Variants in EYA1 observed in about 807,000 individuals in gnomAD.
EYA1 encodes EYA transcriptional coactivator and phosphatase 1.
Under a neutral mutation model 82.0 loss-of-function variants are expected in EYA1, and 16 were observed. The observed-to-expected ratio is 0.20, with a 90% CI of 0.13 to 0.30. EYA1 has a LOEUF of 0.30. Ranked by LOEUF, EYA1 falls within the 10% of genes least tolerant of loss-of-function variation. EYA1 has a pLI of 1.00. For synonymous variants in EYA1, 261 were observed against 264.4 expected, an observed-to-expected ratio of 0.99 and a Z score of 0.12; for missense variants, 633 against 730.7, an observed-to-expected ratio of 0.87 and a Z score of 1.54.
Position 71,199,146 on chromosome 8 carries a change from A to C in EYA1, c.*194T>G, listed in dbSNP as rs1358852066. The C allele has an allele frequency of 3.1e-6, 2 of 650,536 alleles. No homozygotes were observed. Among genetic ancestry groups the C allele is most frequent in the East Asian group, 5.5e-5 (2 of 36,160 alleles). The allele number at this position is 650,536 out of a possible 1,614,324, so 40.3% of individuals were successfully genotyped here. On this transcript the variant is annotated 3_prime_UTR_variant, in exon 18 of 18. Transcript: ENST00000340726. ...ATTTTCACTGGATTCACAGTACTAG[A>C]GTCAACAGCTGTTCTGATGAAATAG...
chr8:71,270,546 C>T (rs138203723), intron 10 of EYA1, among the ~76,000 whole-genome samples: 2 of 152,340 alleles, frequency 1.3e-5, no homozygotes, highest in East Asian at 1.9e-4. Flanking sequence ...CCTATTCCCA[C>T]TCACACCAGT....
At chr8:71,412,752 G>A (rs1208344836) in intron 2 of EYA1, among the ~76,000 whole-genome samples, 1 of 152,218 alleles carries the variant, frequency 6.6e-6, no homozygotes, top group Non-Finnish European at 1.5e-5. Flanking sequence ...GCATAGTCAG[G>A]AATGACCAAC....
At chr8:71,333,906 C>T (rs1824177846) in intron 4 of EYA1, among the ~76,000 whole-genome samples, 191 bp downstream of exon 4, 2 of 152,064 alleles carry the variant, frequency 1.3e-5, no homozygotes. Flanking sequence ...CACTTCTTCA[C>T]AATGAATAAA....
At chr8:71,522,608 A>G (rs1201176884) in intron 2 of EYA1, among the ~76,000 whole-genome samples, 4 of 150,274 alleles carry the variant, frequency 2.7e-5, no homozygotes, top group Non-Finnish European at 1.5e-5. Flanking sequence ...AAATTCTGCT[A>G]TCAATACAAA....
intron 3 of EYA1, among the ~76,000 whole-genome samples, chr8:71,337,282 A>G (rs1340804616): frequency 1.3e-5 from 2 of 152,200 alleles, no homozygotes; most frequent in Non-Finnish European, 2.9e-5. Flanking sequence ...TCTTCATTAT[A>G]TGACTCCAGT....
At chr8:71,500,935 T>C (rs542486337) in intron 2 of EYA1, among the ~76,000 whole-genome samples, 2 of 152,324 alleles carry the variant, frequency 1.3e-5, no homozygotes, top group South Asian at 4.1e-4. Flanking sequence ...TAGATGTTTA[T>C]TGGTGTGATT....
intron 11 of EYA1, among the ~76,000 whole-genome samples, chr8:71,253,777 C>T (rs951525723): frequency 6.6e-6 from 1 of 152,172 alleles, no homozygotes; most frequent in African/African-American, 2.4e-5. Context: ...TGGCACCTGC[C>T]AGGTGACTCA....
intron 2 of EYA1, among the ~76,000 whole-genome samples, chr8:71,408,869 G>A (rs377501330): frequency 0.036 from 3,745 of 104,364 alleles, 25 homozygotes; most frequent in African/African-American, 0.055. Flanking sequence ...TGCACCAAGC[G>A]GACCTAATAG....
rs574484488 is a variant in EYA1 at position 71,307,837 on chromosome 8, G to A, written c.557-8117C>T. Among the ~76,000 whole-genome samples, 6 of 152,306 alleles carry A rather than the reference G, an allele frequency of 3.9e-5. No homozygotes were observed. In the East Asian group the frequency reaches 1.2e-3, roughly 29 times the overall value. Reference sequence around the variant, plus strand: ...GGATCCTAACAGAACACTGACGCATGGTCCAGGTTCTGCCCTCCTAAGAAG... The same window carrying A: ...GGATCCTAACAGAACACTGACGCATAGTCCAGGTTCTGCCCTCCTAAGAAG... On this transcript the variant is annotated intron_variant, in intron 7 of 17. Transcript: ENST00000340726.
At position 71,407,058 on chromosome 8, in the gene EYA1, C is replaced by T. The variant is rs1382889603; in HGVS notation, c.34-50547G>A. 2.6e-3 allele frequency among the ~76,000 whole-genome samples: 281 copies of T among 106,678 alleles called. 5 individuals carry two copies. Among genetic ancestry groups the T allele is most frequent in the African/African-American group, 8.4e-3 (272 of 32,424 alleles). The allele number at this position is 106,678 out of a possible 152,430, so 70.0% of individuals were successfully genotyped here. On this transcript the variant is annotated intron_variant, in intron 2 of 18. Coordinates refer to the EYA1 transcript ENST00000643681. Reference sequence around the variant, plus strand: ...GGGCAGACTGCCTCCTCAAGTGGGTCCCTGACCCCTGACCCCCGAGCAGCC... The same window carrying T: ...GGGCAGACTGCCTCCTCAAGTGGGTTCCTGACCCCTGACCCCCGAGCAGCC...
At chr8:71,279,947 C>T (rs914936745) in intron 9 of EYA1, among the ~76,000 whole-genome samples, 3 of 152,190 alleles carry the variant, frequency 2.0e-5, no homozygotes, top group Admixed American at 6.5e-5. Context: ...CTGGGCCACA[C>T]GGTCTCTGTT....
At chr8:71,202,207 C>T (rs1348214423) in intron 17 of EYA1, among the ~76,000 whole-genome samples, 2 of 151,352 alleles carry the variant, frequency 1.3e-5, no homozygotes, top group African/African-American at 2.4e-5. Context: ...GAATCCTGCA[C>T]TGAAGAATGC....
intron 12 of EYA1, among the ~76,000 whole-genome samples, chr8:71,240,603 T>G (rs1371715717): frequency 6.6e-6 from 1 of 152,196 alleles, no homozygotes; most frequent in Admixed American, 6.5e-5. Flanking sequence ...GAGATCTGGT[T>G]CCTGCTGACT....
chr8:71,315,653 T>C lies in EYA1; in HGVS notation c.556+1899A>G, dbSNP rs534965622. Among the ~76,000 whole-genome samples the C allele has an allele frequency of 1.6e-4, 24 of 152,356 alleles. 1 individual carries two copies. In the South Asian group the frequency reaches 5.0e-3, roughly 32 times the overall value. On this transcript the variant is annotated intron_variant, in intron 7 of 17. Transcript: ENST00000340726. ...CTTGTCTGCCTTATGATCCATTTTATTACTAGAGCCTAGGACTGTTAAATT... is the reference window on the plus strand; with the variant it reads ...CTTGTCTGCCTTATGATCCATTTTACTACTAGAGCCTAGGACTGTTAAATT...
chr8:71,315,990 A>T (rs1299913883), intron 7 of EYA1, among the ~76,000 whole-genome samples: 4 of 150,904 alleles, frequency 2.7e-5, no homozygotes, highest in African/African-American at 4.8e-5. Context: ...AATGATAAAT[A>T]AAAAAAAATC....
intron 2 of EYA1, among the ~76,000 whole-genome samples, chr8:71,491,338 G>A (rs1810984245): frequency 6.6e-6 from 1 of 152,168 alleles, no homozygotes; most frequent in Non-Finnish European, 1.5e-5. Flanking sequence ...AGGGGAAACA[G>A]GAACTCCTCA....
rs1820209555 is a variant in EYA1 at position 71,301,662 on chromosome 8, A to G, written c.557-1942T>C. Among the ~76,000 whole-genome samples the G allele has an allele frequency of 2.6e-5, 4 of 152,286 alleles. No individual in the cohort carries two copies. In the South Asian group the frequency reaches 8.3e-4, roughly 32 times the overall value. On this transcript the variant is annotated intron_variant, in intron 7 of 17. Coordinates refer to ENST00000340726, the MANE Select transcript of EYA1 (RefSeq NM_000503.6). ...TGAGGTTTCTTCATTTGTATATTTC[A>G]GGAATATCAATTGTTTGAAGTTCCC...
rs759962414 is a variant in EYA1, at chr8:71,211,201, A to G, written c.1653T>C (p.Tyr551=). The G allele has an allele frequency of 6.2e-7, 1 of 1,613,708 alleles. No individual in the cohort carries two copies. The highest frequency in any genetic ancestry group is 8.5e-7 in the Non-Finnish European group (1 of 1,179,706). ...IIQRFGRKVV[Y]VVIGDGVEEE... is the part of the protein sequence containing the mutation. ...CTTCTACACCATCTCCTATAACAAC[A>G]TACACCACTTTTCTTCCAAACCTTT... Residue 551 remains tyrosine, a synonymous_variant, in exon 17 of 18, where the codon TAT becomes TAC. Transcript: ENST00000340726.
chr8:71,302,733 C>T (rs1307552542), intron 7 of EYA1, among the ~76,000 whole-genome samples: 2 of 141,862 alleles, frequency 1.4e-5, no homozygotes, highest in African/African-American at 5.0e-5. Context: ...AGCTGCTAAA[C>T]TCGGACCAGG....
Sources: gnomAD v4.1 joint callset for allele counts (sites outside exome capture counted in the v4.1 genomes callset) on GRCh38, gnomAD v4.1.1 for gene constraint, MANE v1.5 for transcripts, NCBI Gene and HGNC (gene_info 2026-07-23, HGNC 2026-07-21) for gene names.